MDM4: variants seen among roughly 807,000 people sequenced by gnomAD.
MDM4 encodes protein Mdm4.
A neutral mutation model predicts 60.2 loss-of-function variants in MDM4; 2 were observed. That is an observed-to-expected ratio of 0.03 (90% CI 0.01 to 0.10). The LOEUF (loss-of-function observed/expected upper bound fraction) is 0.10. MDM4 is among the 10% of genes least tolerant of loss of function. MDM4 has a pLI of 1.00. For synonymous variants in MDM4, 202 were observed against 198.1 expected (o/e 1.02, Z -0.17); for missense variants, 447 against 577.5 (o/e 0.77, Z 2.32).
At chr1:204,523,465 TA>T (rs1381553438) in intron 1 of MDM4, among the ~76,000 whole-genome samples, 75 of 104,748 alleles carry the variant, frequency 7.2e-4, no homozygotes, top group African/African-American at 2.2e-3. Context: ...AGACTCCACC[TA>T]AAAAAAATTT....
At chr1:204,548,767 G>A (rs1662911640) in intron 10 of MDM4, among the ~76,000 whole-genome samples, 1 of 151,944 alleles carries the variant, frequency 6.6e-6, no homozygotes, top group Admixed American at 6.6e-5. Flanking sequence ...CCTCTTGCCC[G>A]ATAAAGGAGT....
chr1:204,520,277 CAAAA>C (rs35340106), intron 1 of MDM4, among the ~76,000 whole-genome samples: 3 of 65,478 alleles, frequency 4.6e-5, no homozygotes, highest in Non-Finnish European at 6.8e-5. Context: ...GACTCCATCT[CAAAA>C]AAAAAAAAAA....
At chr1:204,541,468 G>T (rs1411772508) in intron 7 of MDM4, among the ~76,000 whole-genome samples, 1 of 152,146 alleles carries the variant, frequency 6.6e-6, no homozygotes, top group Non-Finnish European at 1.5e-5. Flanking sequence ...GGGCAACAAA[G>T]TGGTGCCCTG....
chr1:204,538,090 C>T (rs1661601226), intron 6 of MDM4, 119 bp from the exon 7 acceptor site: 1 of 768,176 alleles, frequency 1.3e-6, no homozygotes, highest in South Asian at 1.4e-5. Flanking sequence ...AACTTGAGTT[C>T]TCTTTCTTGT....
rs1003974663 is a variant in MDM4, at chr1:204,550,516, C to A, written c.*834C>A. 8.0e-5 allele frequency: 15 copies of A among 187,436 alleles called. No homozygotes were observed. Among genetic ancestry groups the A allele is most frequent in the African/African-American group, 2.1e-4 (9 of 42,746 alleles). The allele number at this position is 187,436 out of a possible 1,614,324, so 11.6% of individuals were successfully genotyped here. On this transcript the variant is annotated 3_prime_UTR_variant, in exon 11 of 11. Transcript: ENST00000367182. ...TAAATTTTTAAAATTTAAGTACTTA[C>A]AAAGGATATACTATCCAACATATTG...
At chr1:204,525,628 GT>G (rs139769069) in intron 2 of MDM4, 32 bp downstream of exon 2, 69,211 of 1,045,632 alleles carry the variant, frequency 0.066, 20 homozygotes, top group South Asian at 0.071. Flanking sequence ...TAGTTTTTTG[GT>G]TTTTTTTTTT....
In MDM4 at chr1:204,555,927, T is replaced by A. The variant is rs61820087; in HGVS notation, c.*6245T>A. ...CCTAATTTCTTATCTGAAGGCACTGTTTTTTTTTTTAAACAGTTAAGTACT... is the reference window on the plus strand; with the variant it reads ...CCTAATTTCTTATCTGAAGGCACTGATTTTTTTTTTAAACAGTTAAGTACT... On this transcript the variant is annotated 3_prime_UTR_variant, in exon 11 of 11. Transcript: ENST00000367182. 81 of 34,686 alleles carry A rather than the reference T, an allele frequency of 2.3e-3. 1 individual carries two copies. The highest frequency in any genetic ancestry group is 0.015 in the Admixed American group (40 of 2,646). The allele number at this position is 34,686 out of a possible 1,614,324, so 2.1% of individuals were successfully genotyped here. A position where few individuals can be genotyped will look rare whatever the true frequency, so the allele number is the denominator to read the frequency against.
intron 3 of MDM4, 30 bp from the exon 4 acceptor site, chr1:204,530,654 G>C (rs1435849387): frequency 6.2e-7 from 1 of 1,613,672 alleles, no homozygotes; most frequent in African/African-American, 1.3e-5. Context: ...CAGCTGGACA[G>C]ATCACAACAT....
chr1:204,533,845 C>T (rs1248862672), intron 5 of MDM4, among the ~76,000 whole-genome samples: 1 of 148,496 alleles, frequency 6.7e-6, no homozygotes, highest in Admixed American at 6.8e-5. Context: ...TGCAGTGGTG[C>T]AATCATAGTT....
chr1:204,526,801 A>G (rs1448061175), intron 3 of MDM4, among the ~76,000 whole-genome samples: 1 of 152,170 alleles, frequency 6.6e-6, no homozygotes, highest in Non-Finnish European at 1.5e-5. Flanking sequence ...AGTAGAAGCC[A>G]GTGAATATGT....
intron 6 of MDM4, 197 bp from the exon 7 acceptor site, chr1:204,538,012 T>TG: frequency 1.3e-6 from 1 of 765,622 alleles, no homozygotes; most frequent in Non-Finnish European, 2.4e-6. Flanking sequence ...CCCCCAGGTT[T>TG]GGGATTCTTC....
intron 3 of MDM4, among the ~76,000 whole-genome samples, chr1:204,527,703 T>TA (rs890450863): frequency 6.6e-6 from 1 of 152,142 alleles, no homozygotes; most frequent in African/African-American, 2.4e-5. Context: ...TTTAAACACA[T>TA]GCATTTAAAT....
chr1:204,526,422 C>T lies in MDM4; in HGVS notation c.141C>T (p.Phe47=), dbSNP rs1256306120. 2 of 1,608,878 alleles carry T rather than the reference C, an allele frequency of 1.2e-6. No individual in the cohort carries two copies. The highest frequency in any genetic ancestry group is 1.3e-5 in the African/African-American group (1 of 74,656). ...CAGCAGGTGCGCAAGGTGAAATGTT[C>T]ACTGTTAAAGAGGTAAGCCATCAAA... The part of the protein sequence containing the change: ...LHAAGAQGEM[F]TVKEVMHYLG... Residue 47 remains phenylalanine (F), a synonymous_variant, in exon 3 of 11, where the codon TTC becomes TTT. Transcript: ENST00000367182.
At position 204,546,751 on chromosome 1, in the gene MDM4, T is replaced by C. The variant is rs1339652675; in HGVS notation, c.823-46T>C. ...TTTTGCTTTCAGTTAATTAGCCTCA[T>C]CTAAAACAAGTAAACATTACTAATG... On this transcript the variant is annotated intron_variant, in intron 9 of 10. Coordinates refer to ENST00000367182, the MANE Select transcript of MDM4 (RefSeq NM_002393.5). 4.5e-6 allele frequency: 6 copies of C among 1,329,890 alleles called. No homozygotes were observed. In the East Asian group the frequency reaches 1.4e-4, roughly 31 times the overall value. 82.4% of individuals were successfully genotyped at this position (1,329,890 alleles called of 1,614,324 possible).
chr1:204,530,562 T>C, intron 3 of MDM4, 122 bp from the exon 4 acceptor site: 1 of 1,305,052 alleles, frequency 7.7e-7, no homozygotes, highest in Non-Finnish European at 1.1e-6. Flanking sequence ...ACACAAACTT[T>C]GACAGTCTTG....
At chr1:204,538,658 G>T (rs972052923) in intron 7 of MDM4, among the ~76,000 whole-genome samples, 2 of 150,148 alleles carry the variant, frequency 1.3e-5, no homozygotes, top group Non-Finnish European at 3.0e-5. Flanking sequence ...GATTTGGTTA[G>T]AATTTTTATT....
At chr1:204,537,863 A>G (rs1661575603) in intron 6 of MDM4, 3 of 665,688 alleles carry the variant, frequency 4.5e-6, no homozygotes, top group Non-Finnish European at 8.6e-6. Flanking sequence ...ACCTGGGGAA[A>G]CTTTATAGTC....
rs1489968796 is a variant in MDM4 at position 204,553,008 on chromosome 1, T to G, written c.*3326T>G. 1.8e-5 allele frequency: 3 copies of G among 164,596 alleles called. No homozygotes were observed. The highest frequency in any genetic ancestry group is 7.2e-5 in the African/African-American group (3 of 41,730). 10.2% of individuals were successfully genotyped at this position (164,596 alleles called of 1,614,324 possible). A position where few individuals can be genotyped will look rare whatever the true frequency, so the allele number is the denominator to read the frequency against. ...CTCCTGCCTCAGCCTCCCAAGTAGCTGGGATTACAGGTGTGCACCACCATG... is the reference window on the plus strand; with the variant it reads ...CTCCTGCCTCAGCCTCCCAAGTAGCGGGGATTACAGGTGTGCACCACCATG... On this transcript the variant is annotated 3_prime_UTR_variant, in exon 11 of 11. Coordinates refer to ENST00000367182, the MANE Select transcript of MDM4 (RefSeq NM_002393.5).
rs746341242 is a variant in MDM4 at position 204,544,675 on chromosome 1, T to C, written c.813T>C (p.Ser271=). The C allele has an allele frequency of 1.2e-6, 2 of 1,611,828 alleles. No homozygotes were observed. The highest frequency in any genetic ancestry group is 2.2e-5 in the South Asian group (2 of 90,938). ...EQTSEEVGKV[S]DKKVIEVGKN... ...CAAGTGAAGAAGTAGGGAAAGTAAG[T>C]GACAAAAAGGTATGTTGTGGAAAAA... is the stretch of plus-strand genomic sequence containing the variant. Residue 271 remains serine (S), a synonymous_variant, in exon 9 of 11, where the codon AGT becomes AGC. Transcript: ENST00000367182.
Sources: gnomAD v4.1 joint callset for allele counts (sites outside exome capture counted in the v4.1 genomes callset) on GRCh38, gnomAD v4.1.1 for gene constraint, MANE v1.5 for transcripts, NCBI Gene and HGNC (gene_info 2026-07-23, HGNC 2026-07-21) for gene names.